Variants in DNA2 observed in about 807,000 individuals in gnomAD.
DNA2 encodes DNA replication ATP-dependent helicase/nuclease DNA2.
A neutral mutation model predicts 119.1 loss-of-function variants in DNA2; 101 were observed. The observed-to-expected ratio is 0.85, with a 90% CI of 0.72 to 1.00. The LOEUF is 1.00. Ranked by LOEUF, DNA2 falls within the 50% of genes least tolerant of loss-of-function variation. DNA2 has a pLI of 0.00. For synonymous variants in DNA2, 366 were observed against 424.4 expected (o/e 0.86, Z 1.69); for missense variants, 1,121 against 1,255.5 (o/e 0.89, Z 1.62).
intron 3 of DNA2, among the ~76,000 whole-genome samples, chr10:68,467,159 C>T (rs1397087237): frequency 6.6e-6 from 1 of 151,996 alleles, no homozygotes; most frequent in Non-Finnish European, 1.5e-5. Context: ...TATCTCCCAC[C>T]GTGAAGTGCA....
chr10:68,459,078 A>T, intron 5 of DNA2, 26 bp downstream of exon 5: 1 of 1,560,596 alleles, frequency 6.4e-7, no homozygotes, highest in Non-Finnish European at 8.7e-7. Flanking sequence ...TGAAGACTAT[A>T]TATATAAACA....
intron 5 of DNA2, among the ~76,000 whole-genome samples, chr10:68,456,120 G>C (rs917397911): frequency 6.6e-6 from 1 of 152,036 alleles, no homozygotes. Context: ...TACTCAGAAG[G>C]CTGAGGTGGA....
Position 68,416,750 on chromosome 10 carries a change from G to T in DNA2, c.3073C>A (p.Pro1025Thr). The change falls in exon 20 of 21, where the codon CCT (proline) becomes ACT (threonine). Residue 1025 changes from proline (P) to threonine (T), a missense_variant. By Grantham distance (38) the Pro-to-Thr change is conservative. Coordinates refer to ENST00000358410, the MANE Select transcript of DNA2 (RefSeq NM_001080449.3). The part of the protein sequence containing the change: ...GCVPSLNCYP[P>T]LEKLLNHLNS... ...AAATGATTAAGCAGCTTCTCCAAAG[G>T]AGGATAGCAATTTAGTGAGGGCACA... 1 of 1,613,870 alleles carries T rather than the reference G, an allele frequency of 6.2e-7. No individual in the cohort carries two copies. Among genetic ancestry groups the T allele is most frequent in the Non-Finnish European group, 8.5e-7 (1 of 1,179,796 alleles).
intron 4 of DNA2, among the ~76,000 whole-genome samples, chr10:68,465,094 C>T (rs1168190265): frequency 6.7e-6 from 1 of 149,376 alleles, no homozygotes; most frequent in Non-Finnish European, 1.5e-5. Flanking sequence ...TCTCGGCTCA[C>T]TGCAAGCTCT....
chr10:68,464,115 A>T (rs1359814801), intron 4 of DNA2, among the ~76,000 whole-genome samples: 1 of 152,244 alleles, frequency 6.6e-6, no homozygotes, highest in Non-Finnish European at 1.5e-5. Flanking sequence ...TTTCCAGTTG[A>T]TTAAAAATGA....
chr10:68,425,096 T>C (rs1590049615), intron 14 of DNA2: 8 of 287,086 alleles, frequency 2.8e-5, no homozygotes, highest in East Asian at 8.8e-5. Flanking sequence ...TTCTTTTTTT[T>C]TTTTTTTTTT....
intron 10 of DNA2, among the ~76,000 whole-genome samples, chr10:68,432,967 C>G (rs1013971184): frequency 6.6e-6 from 1 of 152,092 alleles, no homozygotes; most frequent in Non-Finnish European, 1.5e-5. Context: ...CTCCAGGGTC[C>G]CAGGCCCTCA....
At chr10:68,446,272 A>G (rs759601984) in intron 7 of DNA2, 24 bp downstream of exon 7, 1 of 1,396,282 alleles carries the variant, frequency 7.2e-7, no homozygotes, top group Non-Finnish European at 9.8e-7. Flanking sequence ...CAAAGAAGTA[A>G]AACTAAAAAA....
intron 9 of DNA2, among the ~76,000 whole-genome samples, chr10:68,437,575 G>A (rs1056597203): frequency 8.6e-5 from 13 of 151,984 alleles, no homozygotes; most frequent in African/African-American, 2.9e-4. Flanking sequence ...ACTTGAACCC[G>A]GGAGGTGAAA....
chr10:68,426,452 C>T (rs867450192), intron 14 of DNA2, among the ~76,000 whole-genome samples: 6 of 150,546 alleles, frequency 4.0e-5, no homozygotes, highest in Non-Finnish European at 7.4e-5. Context: ...GCAGGAGAAT[C>T]GCTTGAACCT....
chr10:68,415,216 T>A, intron 20 of DNA2, 109 bp from the exon 21 acceptor site: 1 of 614,856 alleles, frequency 1.6e-6, no homozygotes, highest in African/African-American at 1.9e-5. Flanking sequence ...AAAAAAAAAA[T>A]AAGGATCTTT....
chr10:68,459,809 A>G (rs1313673164), intron 4 of DNA2, among the ~76,000 whole-genome samples: 6 of 152,156 alleles, frequency 3.9e-5, no homozygotes, highest in African/African-American at 1.2e-4. Context: ...CAGGTGGATC[A>G]CAAGGTCAGC....
chr10:68,432,310 T>A lies in DNA2; in HGVS notation c.1769A>T (p.Lys590Ile). The A allele has an allele frequency of 6.3e-7, 1 of 1,597,128 alleles. No individual in the cohort carries two copies. Among genetic ancestry groups the A allele is most frequent in the Non-Finnish European group, 8.5e-7 (1 of 1,174,368 alleles). The stretch of plus-strand genomic sequence containing the variant: ...AAAGTCAATAATTAAATCTCGAAGT[T>A]TTTTGCTGAAAAGTGAAAAAGCACT... ...KLMENTFVSK[K>I]LRDLIIDFRE... The change falls in exon 12 of 21, where the codon AAA (lysine) becomes ATA (isoleucine). Residue 590 changes from lysine (K) to isoleucine (I), a missense_variant. By Grantham distance (102) the Lys-to-Ile change is moderately radical (BLOSUM62 -3). Coordinates refer to ENST00000358410, the MANE Select transcript of DNA2 (RefSeq NM_001080449.3).
At chr10:68,444,369 GAC>G (rs1190306064) in intron 8 of DNA2, among the ~76,000 whole-genome samples, 1 of 150,680 alleles carries the variant, frequency 6.6e-6, no homozygotes, top group African/African-American at 2.5e-5. Flanking sequence ...CAGCCCTAGT[GAC>G]AGAGTGAGAC....
intron 5 of DNA2, among the ~76,000 whole-genome samples, chr10:68,457,151 G>A (rs1439830301): frequency 1.3e-5 from 2 of 151,594 alleles, no homozygotes; most frequent in African/African-American, 4.8e-5. Context: ...AAAAAAAATG[G>A]AAATCAGATA....
chr10:68,463,300 C>T lies in DNA2; in HGVS notation c.587+2367G>A, dbSNP rs151119995. Reference sequence around the variant, plus strand: ...TCTACTAAAAATACAAAAATTCAGCCGGGCGTGGTGGCGGCCGCCTGTAGT... The same window carrying T: ...TCTACTAAAAATACAAAAATTCAGCTGGGCGTGGTGGCGGCCGCCTGTAGT... On this transcript the variant is annotated intron_variant, in intron 4 of 20. Transcript: ENST00000358410. Among the ~76,000 whole-genome samples the T allele has an allele frequency of 1.6e-3, 238 of 151,920 alleles. 1 individual carries two copies. The highest frequency in any genetic ancestry group is 5.3e-3 in the African/African-American group (219 of 41,436).
At chr10:68,447,981 C>CA (rs11383213) in intron 6 of DNA2, among the ~76,000 whole-genome samples, 134,959 of 141,008 alleles carry the variant, frequency 0.96, 64,544 homozygotes, top group East Asian at 0.99. Flanking sequence ...GACTCCGTCT[C>CA]AAAAAAAAAA....
chr10:68,449,644 C>T (rs1157143696), intron 6 of DNA2, among the ~76,000 whole-genome samples: 2 of 151,986 alleles, frequency 1.3e-5, no homozygotes, highest in Non-Finnish European at 2.9e-5. Context: ...AGGCATAAGG[C>T]CGGGCTCAGT....
At chr10:68,460,816 C>G (rs897069573) in intron 4 of DNA2, among the ~76,000 whole-genome samples, 3 of 151,834 alleles carry the variant, frequency 2.0e-5, no homozygotes, top group South Asian at 4.2e-4. Context: ...CAGGCTGAAG[C>G]GGAAGGATCG....
Sources: gnomAD v4.1 joint callset for allele counts (sites outside exome capture counted in the v4.1 genomes callset) on GRCh38, gnomAD v4.1.1 for gene constraint, MANE v1.5 for transcripts, NCBI Gene and HGNC (gene_info 2026-07-23, HGNC 2026-07-21) for gene names.